The following UROS variants were observed in gnomAD, a reference collection of about 807,000 sequenced individuals.
UROS encodes the protein uroporphyrinogen-III synthase.
In UROS, 18 loss-of-function variants were observed where a neutral mutation model predicts 33.0. The ratio of observed to expected loss-of-function variants is 0.55; its 90% CI spans 0.38 to 0.81. The LOEUF is 0.81. Among genes scored for constraint, UROS ranks in the 30% least tolerant of loss-of-function variants. UROS has a pLI of 0.00. For missense variants in UROS, 293 were observed against 314.9 expected, an observed-to-expected ratio of 0.93 and a Z score of 0.53; for synonymous variants, 114 against 121.1, an observed-to-expected ratio of 0.94 and a Z score of 0.38.
Position 125,819,189 on chromosome 10 carries a change from G to A in UROS, c.-26-2664C>T, listed in dbSNP as rs551569013. Among the ~76,000 whole-genome samples the A allele has an allele frequency of 2.6e-5, 4 of 152,272 alleles. 1 individual carries two copies. Among genetic ancestry groups the A allele is most frequent in the Admixed American group, 2.6e-4 (4 of 15,284 alleles). Reference sequence around the variant, plus strand: ...AGTAGAGATGGGGTTTCAGCATGTTGGCCAGGATGGTCTCCATCTCTTAAC... The same window carrying A: ...AGTAGAGATGGGGTTTCAGCATGTTAGCCAGGATGGTCTCCATCTCTTAAC... On this transcript the variant is annotated intron_variant, in intron 1 of 9. Transcript: ENST00000368797.
At chr10:125,821,866 G>T (rs1295810508) in intron 1 of UROS, among the ~76,000 whole-genome samples, 1 of 152,178 alleles carries the variant, frequency 6.6e-6, no homozygotes, top group Admixed American at 6.5e-5. Context: ...GCGCTGATGT[G>T]TAAGTATTAC....
intron 6 of UROS, among the ~76,000 whole-genome samples, chr10:125,801,289 C>T (rs558682165): frequency 3.3e-5 from 5 of 152,186 alleles, no homozygotes; most frequent in Non-Finnish European, 7.3e-5. Flanking sequence ...TCTCTCTTTT[C>T]AAAAGTTATA....
At chr10:125,822,460 C>T (rs1203147858) in intron 1 of UROS, among the ~76,000 whole-genome samples, 1 of 152,052 alleles carries the variant, frequency 6.6e-6, no homozygotes, top group Non-Finnish European at 1.5e-5. Flanking sequence ...GTAGCTGGGA[C>T]TACAGGCGCG....
chr10:125,802,988 C>T, intron 6 of UROS: 1 of 1,612,914 alleles, frequency 6.2e-7, no homozygotes, highest in Non-Finnish European at 8.5e-7. Flanking sequence ...TCCAAACCCA[C>T]TTTCTTCACT....
chr10:125,817,700 G>A (rs560223834), intron 1 of UROS, among the ~76,000 whole-genome samples: 13 of 152,164 alleles, frequency 8.5e-5, no homozygotes, highest in African/African-American at 3.1e-4. Flanking sequence ...CACCTACGAG[G>A]CTTAGGAAGA....
intron 1 of UROS, among the ~76,000 whole-genome samples, chr10:125,820,835 T>C (rs1311766630): frequency 2.0e-5 from 3 of 152,210 alleles, no homozygotes; most frequent in African/African-American, 7.2e-5. Flanking sequence ...CTCTGCCTCA[T>C]TAAGATAAAT....
At chr10:125,807,267 C>A (rs1677912258) in intron 6 of UROS, 146 bp downstream of exon 6, 13 of 729,764 alleles carry the variant, frequency 1.8e-5, no homozygotes, top group Non-Finnish European at 3.1e-5. Flanking sequence ...TACAAATAGG[C>A]TATGCTCCCA....
At chr10:125,785,618 T>C (rs770873983), downstream of UROS, 3 of 152,262 alleles carry the variant, frequency 2.0e-5, no homozygotes, top group Non-Finnish European at 4.4e-5. Context: ...TGACCACGTG[T>C]AACTCATGAG....
At chr10:125,796,640 C>T (rs1319822193) in intron 7 of UROS, 1 of 431,356 alleles carries the variant, frequency 2.3e-6, no homozygotes, top group Admixed American at 6.4e-5. Flanking sequence ...GGCCACGCGT[C>T]CCCTCTCTGG....
intron 1 of UROS, among the ~76,000 whole-genome samples, chr10:125,817,899 C>G (rs1853489500): frequency 6.6e-6 from 1 of 152,182 alleles, no homozygotes; most frequent in Non-Finnish European, 1.5e-5. Context: ...TATAAAGTAT[C>G]ACTGTAGTAC....
At chr10:125,796,896 T>C in intron 7 of UROS, 1 of 982,590 alleles carries the variant, frequency 1.0e-6, no homozygotes, top group Non-Finnish European at 1.2e-6. Context: ...TCAGAAGAAA[T>C]GATAACTTCA....
intron 4 of UROS, among the ~76,000 whole-genome samples, chr10:125,814,781 A>ATATCC (rs1374476041): frequency 6.6e-6 from 1 of 152,198 alleles, no homozygotes. Flanking sequence ...TTCAGATGAT[A>ATATCC]CCTTCTAAGG....
chr10:125,786,911 G>A (rs755187165), downstream of UROS, among the ~76,000 whole-genome samples: 10 of 152,240 alleles, frequency 6.6e-5, no homozygotes, highest in South Asian at 1.2e-3. Context: ...CAGCCTTCAC[G>A]TTCTCAGGAA....
At chr10:125,796,292 C>T (rs1287523008) in intron 7 of UROS, 104 bp from the exon 8 acceptor site, 64 of 1,138,238 alleles carry the variant, frequency 5.6e-5, no homozygotes, top group Non-Finnish European at 2.7e-6. Flanking sequence ...ACAGCACCAC[C>T]CTCCTGGAAC....
chr10:125,811,472 T>G (rs1359463488), intron 5 of UROS, among the ~76,000 whole-genome samples: 1 of 152,232 alleles, frequency 6.6e-6, no homozygotes, highest in Non-Finnish European at 1.5e-5. Context: ...GTAAAAGTCA[T>G]GCTGCTCAGA....
At chr10:125,822,857 C>T (rs1854112217) in intron 1 of UROS, among the ~76,000 whole-genome samples, 172 bp downstream of exon 1, 1 of 152,230 alleles carries the variant, frequency 6.6e-6, no homozygotes, top group East Asian at 1.9e-4. Context: ...GGGCAGGCGC[C>T]TTCCGTCACC....
intron 3 of UROS, among the ~76,000 whole-genome samples, 156 bp downstream of exon 3, chr10:125,816,021 C>A (rs1853288892): frequency 6.6e-6 from 1 of 152,232 alleles, no homozygotes; most frequent in Admixed American, 6.5e-5. Flanking sequence ...CAGAACCTCC[C>A]AACAGCAGCA....
intron 8 of UROS, 139 bp from the exon 9 acceptor site, chr10:125,795,117 C>T: frequency 1.3e-6 from 1 of 742,146 alleles, no homozygotes; most frequent in Non-Finnish European, 2.4e-6. Flanking sequence ...CCGGCTGATG[C>T]TGGCATCCTC....
chr10:125,804,075 T>A (rs1413361842), intron 6 of UROS, among the ~76,000 whole-genome samples: 1 of 152,228 alleles, frequency 6.6e-6, no homozygotes, highest in Non-Finnish European at 1.5e-5. Context: ...CTTTTGTTAT[T>A]CATGATAAAC....
Sources: gnomAD v4.1 joint callset for allele counts (sites outside exome capture counted in the v4.1 genomes callset) on GRCh38, gnomAD v4.1.1 for gene constraint, MANE v1.5 for transcripts, NCBI Gene and HGNC (gene_info 2026-07-23, HGNC 2026-07-21) for gene names.